KRT77: variants seen among roughly 807,000 people sequenced by gnomAD.
KRT77 encodes the protein keratin 77, also known as keratin, type II cytoskeletal 1b.
A neutral mutation model predicts 51.5 loss-of-function variants in KRT77; 44 were observed. The ratio of observed to expected loss-of-function variants is 0.85; its 90% CI spans 0.67 to 1.10. The LOEUF (loss-of-function observed/expected upper bound fraction) is 1.10. Among genes scored for constraint, KRT77 ranks in the 50% least tolerant of loss-of-function variants. The pLI is 0.00. For synonymous variants in KRT77, 293 were observed against 302.0 expected (o/e 0.97, Z 0.31); for missense variants, 763 against 743.9 (o/e 1.03, Z -0.30).
At position 52,690,368 on chromosome 12, in the gene KRT77, G is replaced by A. The variant is rs1196337437; in HGVS notation, c.*797C>T. ...AGGGGAGAATGCTTCCTGAAACAGA[G>A]GTTCAGAATCAGGACAGTGATGCCT... is the stretch of plus-strand genomic sequence containing the variant. On this transcript the variant is annotated 3_prime_UTR_variant, in exon 9 of 9. Coordinates refer to ENST00000341809, the MANE Select transcript of KRT77 (RefSeq NM_175078.3). 6.6e-6 allele frequency: 1 copy of A among 152,292 alleles called. No individual in the cohort carries two copies. The highest frequency in any genetic ancestry group is 1.5e-5 in the Non-Finnish European group (1 of 68,108). 9.4% of individuals were successfully genotyped at this position (152,292 alleles called of 1,614,324 possible). A position where few individuals can be genotyped will look rare whatever the true frequency, so the allele number is the denominator to read the frequency against.
In KRT77 at chr12:52,697,713, T is replaced by C. The variant is rs1941817474; in HGVS notation, c.727A>G (p.Met243Val). ...QMRQNAEVRSMQDVVEDYKSK... is the reference protein window; with the variant it reads ...QMRQNAEVRSVQDVVEDYKSK... ...TTGTAGTCCTCCACGACATCCTGCA[T>C]GCTCCTGACCTCCGCGTTCTGGCGC... is the stretch of plus-strand genomic sequence containing the variant. The change falls in exon 2 of 9, where the codon ATG becomes GTG. Residue 243 changes from methionine (M) to valine (V), a missense_variant. Coordinates refer to ENST00000341809, the MANE Select transcript of KRT77 (RefSeq NM_175078.3). 2 of 1,613,822 alleles carry C rather than the reference T, an allele frequency of 1.2e-6. No homozygotes were observed. Among genetic ancestry groups the C allele is most frequent in the South Asian group, 1.1e-5 (1 of 91,080 alleles).
intron 7 of KRT77, among the ~76,000 whole-genome samples, 171 bp from the exon 8 acceptor site, chr12:52,692,143 C>G (rs768668475): frequency 4.6e-5 from 7 of 152,154 alleles, no homozygotes; most frequent in Non-Finnish European, 8.8e-5. Context: ...TTTCATGAAG[C>G]CTTTTAGCAT....
At chr12:52,695,028 C>T in intron 4 of KRT77, 1 of 288,872 alleles carries the variant, frequency 3.5e-6, no homozygotes, top group Non-Finnish European at 6.4e-6. Flanking sequence ...CATCACACTT[C>T]TCCTGCAGCT....
At position 52,691,172 on chromosome 12, in the gene KRT77, A is replaced by G; in HGVS notation, c.1730T>C (p.Leu577Ser). ...TSTNTSHRRI[L>S]E Reference sequence around the variant, plus strand: ...GTGGCAGAAACGAGGCCTCTACTCCAAGATCCGCCTGTGGGAGGTGTTGGT... The same window carrying G: ...GTGGCAGAAACGAGGCCTCTACTCCGAGATCCGCCTGTGGGAGGTGTTGGT... The change falls in exon 9 of 9, where the codon TTG becomes TCG. Residue 577 changes from leucine to serine, a missense_variant. Coordinates refer to ENST00000341809, the MANE Select transcript of KRT77 (RefSeq NM_175078.3). 6.2e-7 allele frequency: 1 copy of G among 1,614,116 alleles called. No homozygotes were observed. Among genetic ancestry groups the G allele is most frequent in the Non-Finnish European group, 8.5e-7 (1 of 1,179,976 alleles).
rs551899143 is a variant in KRT77, at chr12:52,702,979, C to T, written c.456G>A (p.Glu152=). The T allele has an allele frequency of 1.9e-6, 3 of 1,614,058 alleles. No individual in the cohort carries two copies. The highest frequency in any genetic ancestry group is 1.1e-5 in the South Asian group (1 of 91,070). ...TGATCCTCTGAATTTCAGGGTCCAC[C>T]TCCAGGTGAAGTGGCTCTAGGAGGC... ...NQSLLEPLHL[E]VDPEIQRIKT... is the part of the protein sequence containing the mutation. Residue 152 remains glutamate, a synonymous_variant, in exon 1 of 9, where the codon GAG becomes GAA. Coordinates refer to ENST00000341809, the MANE Select transcript of KRT77 (RefSeq NM_175078.3).
At chr12:52,702,554 T>TGTGTGTG (rs1565655562) in intron 1 of KRT77, among the ~76,000 whole-genome samples, 762 of 62,226 alleles carry the variant, frequency 0.012, 22 homozygotes, top group South Asian at 0.03. Flanking sequence ...GTGTGTGTGT[T>TGTGTGTG]TGTGTGTGTG....
chr12:52,693,009 C>A (rs913941673), intron 5 of KRT77, 129 bp from the exon 6 acceptor site: 12 of 1,046,224 alleles, frequency 1.1e-5, no homozygotes, highest in African/African-American at 9.3e-5. Flanking sequence ...CCCCTACATG[C>A]ATACTCACAG....
intron 2 of KRT77, chr12:52,696,744 A>G (rs984167233): frequency 3.5e-6 from 1 of 282,376 alleles, no homozygotes; most frequent in Non-Finnish European, 6.7e-6. Flanking sequence ...AAACTCATTC[A>G]TTCCTTAAAA....
At chr12:52,694,877 G>C in intron 4 of KRT77, 87 bp from the exon 5 acceptor site, 1 of 1,284,476 alleles carries the variant, frequency 7.8e-7, no homozygotes, top group Non-Finnish European at 1.1e-6. Flanking sequence ...GGCTCTCGGG[G>C]GAAGCCAGAA....
chr12:52,703,148 C>G lies in KRT77; in HGVS notation c.287G>C (p.Gly96Ala). 6.2e-7 allele frequency: 1 copy of G among 1,610,106 alleles called. No individual in the cohort carries two copies. Among genetic ancestry groups the G allele is most frequent in the Non-Finnish European group, 8.5e-7 (1 of 1,177,600 alleles). ...GGVGGFGGGRGFGVGSTGAGG... is the reference protein window; with the variant it reads ...GGVGGFGGGRAFGVGSTGAGG... ...AGCCCCGGTGCTGCCAACCCCAAAG[C>G]CTCTGCCCCCTCCAAATCCCCCTAC... Residue 96 changes from glycine (G) to alanine (A), a missense_variant, in exon 1 of 9, where the codon GGC becomes GCC. By Grantham distance (60) the Gly-to-Ala change is moderately conservative. Transcript: ENST00000341809.
intron 1 of KRT77, among the ~76,000 whole-genome samples, chr12:52,699,379 T>C (rs1565654541): frequency 2.0e-5 from 3 of 152,330 alleles, no homozygotes; most frequent in South Asian, 2.1e-4. Context: ...CAGGAGCTCA[T>C]AGAAGACACT....
At chr12:52,696,557 C>G (rs1941797449) in intron 2 of KRT77, 127 bp from the exon 3 acceptor site, 3 of 764,944 alleles carry the variant, frequency 3.9e-6, no homozygotes, top group Admixed American at 2.1e-5. Flanking sequence ...GAACCCTGCT[C>G]AAGGTGCTGG....
At position 52,698,111 on chromosome 12, in the gene KRT77, G is replaced by A. The variant is rs965933505; in HGVS notation, c.544-215C>T. 1.8e-5 allele frequency: 26 copies of A among 1,465,872 alleles called. No homozygotes were observed. The African/African-American group carries it at 3.5e-4, about 20-fold the overall frequency. The allele number at this position is 1,465,872 out of a possible 1,614,324, so 90.8% of individuals were successfully genotyped here. ...CTGTAAGGTCAACTTGCCTAAAATT[G>A]ACACTAAGCTCACTCTGGTTTTGAA... On this transcript the variant is annotated intron_variant, in intron 1 of 8. Coordinates refer to ENST00000341809, the MANE Select transcript of KRT77 (RefSeq NM_175078.3).
intron 1 of KRT77, 104 bp from the exon 2 acceptor site, chr12:52,698,000 C>G (rs888796325): frequency 8.5e-6 from 12 of 1,416,238 alleles, no homozygotes; most frequent in African/African-American, 1.4e-5. Context: ...CTCAGAGAAT[C>G]AGGATGGCTC....
At chr12:52,697,249 G>A (rs998972254) in intron 2 of KRT77, among the ~76,000 whole-genome samples, 27 of 152,300 alleles carry the variant, frequency 1.8e-4, no homozygotes, top group African/African-American at 6.3e-4. Context: ...AAACTCAGGG[G>A]GCAGAGCCCA....
Position 52,691,146 on chromosome 12 carries a change from T to C in KRT77, c.*19A>G, listed in dbSNP as rs1341657512. On this transcript the variant is annotated 3_prime_UTR_variant, in exon 9 of 9. Coordinates refer to ENST00000341809, the MANE Select transcript of KRT77 (RefSeq NM_175078.3). ...AGGGCGGTGAGGGGCAGGCGTGATG[T>C]GTGGCAGAAACGAGGCCTCTACTCC... The C allele has an allele frequency of 6.2e-7, 1 of 1,613,896 alleles. No homozygotes were observed. The highest frequency in any genetic ancestry group is 2.2e-5 in the East Asian group (1 of 44,878).
At chr12:52,693,311 A>C (rs933529227) in intron 5 of KRT77, among the ~76,000 whole-genome samples, 2 of 150,432 alleles carry the variant, frequency 1.3e-5, no homozygotes, top group African/African-American at 4.9e-5. Context: ...GAGGCCCTCC[A>C]TTGGCTCCAC....
At position 52,692,950 on chromosome 12, in the gene KRT77, C is replaced by A; in HGVS notation, c.1081-70G>T. On this transcript the variant is annotated intron_variant, in intron 5 of 8. Coordinates refer to ENST00000341809, the MANE Select transcript of KRT77 (RefSeq NM_175078.3). ...CAAGCCCCTCCAGGAGGGAGTAGGT[C>A]TGGGCTGCTCTCCCCTGGGAGATTC... 4 of 1,536,910 alleles carry A rather than the reference C, an allele frequency of 2.6e-6. No homozygotes were observed. In the South Asian group the frequency reaches 3.5e-5, roughly 13 times the overall value.
intron 1 of KRT77, chr12:52,698,272 A>C (rs1372982913): frequency 1.7e-6 from 1 of 579,930 alleles, no homozygotes; most frequent in African/African-American, 1.9e-5. Context: ...TTTGTGGTCA[A>C]AATGCATTAT....
Sources: allele counts gnomAD v4.1 joint callset (sites outside exome capture counted in the v4.1 genomes callset), GRCh38; gene constraint gnomAD v4.1.1; transcripts MANE v1.5; gene names NCBI Gene and HGNC (gene_info 2026-07-23, HGNC 2026-07-21).